Variants in HDAC4 observed in about 807,000 individuals in gnomAD.
The protein encoded by HDAC4 is histone deacetylase A.
In HDAC4, 16 loss-of-function variants were observed where a neutral mutation model predicts 135.1. That is an observed-to-expected ratio of 0.12 (90% CI 0.08 to 0.18). HDAC4 has a LOEUF of 0.18. Among genes scored for constraint, HDAC4 ranks in the 10% least tolerant of loss-of-function variants. The pLI, the probability that HDAC4 is intolerant of heterozygous loss-of-function variation, is 1.00. For missense variants in HDAC4, 1,143 were observed against 1,511.8 expected, an observed-to-expected ratio of 0.76 and a Z score of 4.05; for synonymous variants, 685 against 653.4, an observed-to-expected ratio of 1.05 and a Z score of -0.74.
intron 2 of HDAC4, among the ~76,000 whole-genome samples, chr2:239,276,896 C>T (rs907927461): frequency 6.6e-6 from 1 of 152,172 alleles, no homozygotes; most frequent in Non-Finnish European, 1.5e-5. Flanking sequence ...TGTCTGTCAC[C>T]GTGCCACAAA....
At chr2:239,143,972 T>C (rs2041583538) in intron 8 of HDAC4, among the ~76,000 whole-genome samples, 1 of 152,076 alleles carries the variant, frequency 6.6e-6, no homozygotes, top group Non-Finnish European at 1.5e-5. Context: ...TGGGAATGGG[T>C]GGTCCTCTGG....
rs55990119 is a variant in HDAC4, at chr2:239,295,306, C to CAAAAAAA, written c.22+57365_22+57371dup. 4.3e-5 allele frequency among the ~76,000 whole-genome samples: 2 copies of CAAAAAAA among 46,522 alleles called. 1 individual carries two copies. The highest frequency in any genetic ancestry group is 7.7e-5 in the Non-Finnish European group (2 of 25,886). 30.5% of individuals were successfully genotyped at this position (46,522 alleles called of 152,430 possible). A position where few individuals can be genotyped will look rare whatever the true frequency, so the allele number is the denominator to read the frequency against. ...TGGGTGACAGAGCAAGACTCCGTCTCAAAAAAAAAAAAAAAAAAAAAAAAA... is the reference window on the plus strand; with the variant it reads ...TGGGTGACAGAGCAAGACTCCGTCTCAAAAAAAAAAAAAAAAAAAAAAAAAAAAAAAA... On this transcript the variant is annotated intron_variant, in intron 2 of 26. Coordinates refer to ENST00000543185, the MANE Select transcript of HDAC4 (RefSeq NM_001378414.1).
intron 7 of HDAC4, among the ~76,000 whole-genome samples, chr2:239,152,807 C>T (rs2042196596): frequency 6.6e-6 from 1 of 152,118 alleles, no homozygotes. Context: ...TGGCAGTTAC[C>T]AGTCATTGGA....
intron 3 of HDAC4, among the ~76,000 whole-genome samples, chr2:239,209,030 T>C (rs983004266): frequency 6.6e-6 from 1 of 152,120 alleles, no homozygotes; most frequent in Non-Finnish European, 1.5e-5. Context: ...AGGCGCGCCA[T>C]CACGCATGGC....
intron 1 of HDAC4, among the ~76,000 whole-genome samples, chr2:239,359,532 C>T (rs1693730373): frequency 6.6e-6 from 1 of 152,194 alleles, no homozygotes; most frequent in Admixed American, 6.5e-5. Context: ...CTAGGATAGG[C>T]CGAGATGACA....
Position 239,400,660 on chromosome 2 carries a change from G to T in HDAC4, c.-220+318C>A. 1 of 146,222 alleles carries T rather than the reference G, an allele frequency of 6.8e-6. No individual in the cohort carries two copies. Among genetic ancestry groups the T allele is most frequent in the South Asian group, 1.9e-4 (1 of 5,402 alleles). 9.1% of individuals were successfully genotyped at this position (146,222 alleles called of 1,614,324 possible). ...GGCGCGGGGCGGGCGGCGGACAATG[G>T]CCCGCGGGCGCCGGGCCGGGGCTGC... On this transcript the variant is annotated intron_variant, in intron 1 of 26. Transcript: ENST00000543185. This position sits in a 1 kb window ranked among gnomAD's most constrained non-coding sequence, Gnocchi z 4.7.
intron 5 of HDAC4, among the ~76,000 whole-genome samples, chr2:239,175,921 A>G (rs1224508785): frequency 6.6e-6 from 1 of 152,166 alleles, no homozygotes; most frequent in Admixed American, 6.5e-5. Flanking sequence ...AGATAAATCC[A>G]TGGACTCTGG....
At position 239,296,835 on chromosome 2, in the gene HDAC4, T is replaced by G. The variant is rs200686319; in HGVS notation, c.22+55843A>C. Among the ~76,000 whole-genome samples, 16 of 152,128 alleles carry G rather than the reference T, an allele frequency of 1.1e-4. No individual in the cohort carries two copies. In the East Asian group the frequency reaches 3.1e-3, roughly 30 times the overall value. On this transcript the variant is annotated intron_variant, in intron 2 of 26. Coordinates refer to ENST00000543185, the MANE Select transcript of HDAC4 (RefSeq NM_001378414.1). Reference sequence around the variant, plus strand: ...GATATATTTAGAAAGCGTGGATTAATGATTAATGATTAAACTCACTCACCA... The same window carrying G: ...GATATATTTAGAAAGCGTGGATTAAGGATTAATGATTAAACTCACTCACCA...
At chr2:239,222,112 G>C (rs911711297) in intron 3 of HDAC4, among the ~76,000 whole-genome samples, 3 of 152,172 alleles carry the variant, frequency 2.0e-5, no homozygotes, top group Admixed American at 6.5e-5. Flanking sequence ...CGCAAGGCCA[G>C]AAACAGATCA....
rs183332519 is a variant in HDAC4 at position 239,074,028 on chromosome 2, C to T, written c.2751-5421G>A. ...GGGGCAGCAGGACTGAGGGGAGCAG[C>T]AGGACTGAGGGGGGCAGCAGGACTG... On this transcript the variant is annotated intron_variant, in intron 22 of 26. Coordinates refer to ENST00000543185, the MANE Select transcript of HDAC4 (RefSeq NM_001378414.1). 6.6e-3 allele frequency among the ~76,000 whole-genome samples: 926 copies of T among 140,730 alleles called. 5 individuals are homozygous for T. Among genetic ancestry groups the T allele is most frequent in the African/African-American group, 0.024 (882 of 37,478 alleles). 92.3% of individuals were successfully genotyped at this position (140,730 alleles called of 152,430 possible).
At chr2:239,263,275 GCCC>G (rs2049491812) in intron 2 of HDAC4, among the ~76,000 whole-genome samples, 1 of 79,554 alleles carries the variant, frequency 1.3e-5, no homozygotes, top group South Asian at 3.8e-4. Flanking sequence ...CCCCCGCCCA[GCCC>G]AGCCCCCTAC....
At chr2:239,269,733 G>A (rs1253017858) in intron 2 of HDAC4, among the ~76,000 whole-genome samples, 2 of 152,204 alleles carry the variant, frequency 1.3e-5, no homozygotes, top group African/African-American at 4.8e-5. Flanking sequence ...TTTCTACACA[G>A]AAGGTTTCTA....
chr2:239,253,635 C>T (rs1398028736), intron 2 of HDAC4, among the ~76,000 whole-genome samples: 1 of 152,212 alleles, frequency 6.6e-6, no homozygotes, highest in Non-Finnish European at 1.5e-5. Context: ...CGATAAGGAT[C>T]CCTCGCTTCC....
At chr2:239,305,864 A>G (rs1414545573) in intron 2 of HDAC4, among the ~76,000 whole-genome samples, 2 of 152,194 alleles carry the variant, frequency 1.3e-5, no homozygotes, top group African/African-American at 4.8e-5. Context: ...CCTAAACACG[A>G]CTGGGAACGA....
chr2:239,106,641 T>C lies in HDAC4; in HGVS notation c.2112+1409A>G, dbSNP rs565230184. Among the ~76,000 whole-genome samples the C allele has an allele frequency of 9.9e-5, 15 of 151,948 alleles. No homozygotes were observed. The South Asian group carries it at 3.1e-3, about 32-fold the overall frequency. Reference sequence around the variant, plus strand: ...GTCCTGGGCCTGACTTTTAGAGAATTCCCCCCTGAAAATTATGTATCACCA... The same window carrying C: ...GTCCTGGGCCTGACTTTTAGAGAATCCCCCCCTGAAAATTATGTATCACCA... On this transcript the variant is annotated intron_variant, in intron 15 of 26. Transcript: ENST00000543185.
rs140519733 is a variant in HDAC4 at position 239,393,409 on chromosome 2, C to T, written c.-220+7569G>A. ...CAAGAAGACTACACATACATGAAAA[C>T]GCAAGGAAGTCCTTTGTGCAGACCA... On this transcript the variant is annotated intron_variant, in intron 1 of 26. Transcript: ENST00000543185. Among the ~76,000 whole-genome samples the T allele has an allele frequency of 7.9e-5, 12 of 152,312 alleles. No individual in the cohort carries two copies. The East Asian group carries it at 1.2e-3, about 15-fold the overall frequency.
intron 2 of HDAC4, among the ~76,000 whole-genome samples, chr2:239,264,619 G>A (rs984468302): frequency 2.0e-5 from 3 of 152,182 alleles, no homozygotes; most frequent in East Asian, 1.9e-4. Flanking sequence ...CCTAGGGCTC[G>A]CAGCCTGAAC....
chr2:239,380,016 G>A (rs1399075465), intron 1 of HDAC4, among the ~76,000 whole-genome samples: 3 of 152,214 alleles, frequency 2.0e-5, no homozygotes, highest in Admixed American at 6.5e-5. Flanking sequence ...CCATCCAGCC[G>A]GGGGCGCCAA....
chr2:239,343,528 C>T (rs946466730), intron 2 of HDAC4, among the ~76,000 whole-genome samples: 4 of 152,248 alleles, frequency 2.6e-5, no homozygotes, highest in African/African-American at 4.8e-5. Flanking sequence ...GCAGGACCTG[C>T]GGGAGGCCCA....
Sources: allele counts gnomAD v4.1 joint callset (sites outside exome capture counted in the v4.1 genomes callset), GRCh38; gene constraint gnomAD v4.1.1; non-coding constraint Gnocchi (gnomAD v3.1); transcripts MANE v1.5; gene names NCBI Gene and HGNC (gene_info 2026-07-23, HGNC 2026-07-21).